Variants in ARRB2 observed in about 807,000 individuals in gnomAD.
The protein encoded by ARRB2 is beta-arrestin-2.
Under a neutral mutation model 53.4 loss-of-function variants are expected in ARRB2, and 21 were observed. The ratio of observed to expected loss-of-function variants is 0.39; its 90% CI spans 0.28 to 0.57. The LOEUF (loss-of-function observed/expected upper bound fraction) is 0.57. Among genes scored for constraint, ARRB2 ranks in the 20% least tolerant of loss-of-function variants. ARRB2 has a pLI of 0.55. For missense variants in ARRB2, 369 were observed against 527.5 expected, an observed-to-expected ratio of 0.70 and a Z score of 2.94; for synonymous variants, 180 against 212.9, an observed-to-expected ratio of 0.85 and a Z score of 1.34.
In ARRB2 at chr17:4,716,521, G is replaced by A. The variant is rs150815245; in HGVS notation, c.270G>A (p.Pro90=). 180 of 1,530,774 alleles carry A rather than the reference G, an allele frequency of 1.2e-4. 1 individual carries two copies. In the East Asian group the frequency reaches 2.1e-3, roughly 18 times the overall value. 94.8% of individuals were successfully genotyped at this position (1,530,774 alleles called of 1,614,324 possible). A position where few individuals can be genotyped will look rare whatever the true frequency, so the allele number is the denominator to read the frequency against. ...TCGCCACCTACCAGGCCTTCCCCCC[G>A]GTGCCCAACCCACCCCGGCCCCCCA... ...LFIATYQAFP[P]VPNPPRPPTR... is the part of the protein sequence containing the mutation. The change falls in exon 5 of 15, where the codon CCG becomes CCA. Residue 90 remains proline (P), a synonymous_variant. Transcript: ENST00000269260.
chr17:4,711,853 G>C (rs1914440269), intron 1 of ARRB2, among the ~76,000 whole-genome samples: 1 of 152,144 alleles, frequency 6.6e-6, no homozygotes, highest in Non-Finnish European at 1.5e-5. Context: ...TGAAATTCTG[G>C]GCCACAGGAA....
chr17:4,714,371 G>A (rs1366537392), intron 1 of ARRB2, among the ~76,000 whole-genome samples: 1 of 152,180 alleles, frequency 6.6e-6, no homozygotes, highest in Non-Finnish European at 1.5e-5. Context: ...CAAAGGCCAG[G>A]GTCATTGCTC....
At chr17:4,712,535 T>C (rs949900104) in intron 1 of ARRB2, among the ~76,000 whole-genome samples, 3 of 152,220 alleles carry the variant, frequency 2.0e-5, no homozygotes, top group African/African-American at 7.2e-5. Flanking sequence ...GTGGTAGACT[T>C]GGAAGAGGGA....
intron 1 of ARRB2, among the ~76,000 whole-genome samples, chr17:4,714,207 A>G (rs1914719566): frequency 6.6e-6 from 1 of 152,074 alleles, no homozygotes; most frequent in Non-Finnish European, 1.5e-5. Flanking sequence ...AACCCAAAAC[A>G]AGGAGCGACC....
chr17:4,719,657 G>A (rs1055283395), intron 11 of ARRB2, among the ~76,000 whole-genome samples: 1 of 152,156 alleles, frequency 6.6e-6, no homozygotes. Context: ...AGTGAGGTGC[G>A]AAGGTGAATT....
chr17:4,721,249 T>C lies in ARRB2; in HGVS notation c.*210T>C, dbSNP rs766078383. ...TGAATGTGGGCATTAATTTTTTGAC[T>C]GCAGCTCTGCTTCTCCAGCCCCGCC... is the stretch of plus-strand genomic sequence containing the variant. On this transcript the variant is annotated 3_prime_UTR_variant, in exon 15 of 15. Transcript: ENST00000269260. The surrounding 1 kb of genome is among the most constrained non-coding windows in gnomAD (Gnocchi z 4.2). 35 of 532,604 alleles carry C rather than the reference T, an allele frequency of 6.6e-5. No individual in the cohort carries two copies. Among genetic ancestry groups the C allele is most frequent in the Non-Finnish European group, 1.1e-4 (32 of 304,712 alleles). 33.0% of individuals were successfully genotyped at this position (532,604 alleles called of 1,614,324 possible).
chr17:4,712,102 C>G (rs1914470555), intron 1 of ARRB2, among the ~76,000 whole-genome samples: 1 of 152,218 alleles, frequency 6.6e-6, no homozygotes, highest in Non-Finnish European at 1.5e-5. Context: ...TTGTGGCTGT[C>G]ACAGCCCTGT....
At chr17:4,713,461 T>C (rs1914631119) in intron 1 of ARRB2, among the ~76,000 whole-genome samples, 1 of 151,170 alleles carries the variant, frequency 6.6e-6, no homozygotes. Flanking sequence ...TGAAACCCCA[T>C]CTCTACTAAA....
chr17:4,710,782 C>T (rs1396999157), intron 1 of ARRB2, 38 bp downstream of exon 1: 6 of 336,818 alleles, frequency 1.8e-5, no homozygotes, highest in South Asian at 1.4e-4. Context: ...GCATGGGCGG[C>T]GGCTCGGGGC....
chr17:4,721,464 A>G lies in ARRB2; in HGVS notation c.*425A>G. 2.6e-6 allele frequency: 1 copy of G among 385,294 alleles called. No individual in the cohort carries two copies. The highest frequency in any genetic ancestry group is 1.2e-4 in the South Asian group (1 of 8,092). 23.9% of individuals were successfully genotyped at this position (385,294 alleles called of 1,614,324 possible). A position where few individuals can be genotyped will look rare whatever the true frequency, so the allele number is the denominator to read the frequency against. On this transcript the variant is annotated 3_prime_UTR_variant, in exon 15 of 15. Transcript: ENST00000269260. This position sits in a 1 kb window ranked among gnomAD's most constrained non-coding sequence, Gnocchi z 4.2. The stretch of plus-strand genomic sequence containing the variant: ...GGACAAGGCCGTTTCTTTGTTTCTG[A>G]GCATAAAGAAGAAAATAAATCTTTT...
chr17:4,721,300 TAA>T lies in ARRB2; in HGVS notation c.*263_*264del. The T allele has an allele frequency of 2.1e-6, 1 of 475,538 alleles. No homozygotes were observed. The highest frequency in any genetic ancestry group is 3.7e-6 in the Non-Finnish European group (1 of 268,836). 29.5% of individuals were successfully genotyped at this position (475,538 alleles called of 1,614,324 possible). A position where few individuals can be genotyped will look rare whatever the true frequency, so the allele number is the denominator to read the frequency against. On this transcript the variant is annotated 3_prime_UTR_variant, in exon 15 of 15. Transcript: ENST00000269260. This position sits in a 1 kb window ranked among gnomAD's most constrained non-coding sequence, Gnocchi z 4.2. ...GTGGGTGGCAAGCTGTGTTCATACC[TAA>T]ATTTTCTGGAAGGGGACAGTGAAAA...
chr17:4,718,580 C>G (rs374363517), intron 9 of ARRB2, 32 bp from the exon 10 acceptor site: 24 of 1,606,490 alleles, frequency 1.5e-5, no homozygotes, highest in African/African-American at 5.3e-5. Flanking sequence ...TGTGCTCCAT[C>G]CAGAGCTGCC....
rs1210854030 is a variant in ARRB2, at chr17:4,715,714, CACACACACACAA to C, written c.55-247_55-236del. The C allele has an allele frequency of 8.3e-3, 3,868 of 464,824 alleles. 92 individuals are homozygous for C. The highest frequency in any genetic ancestry group is 0.07 in the African/African-American group (3,451 of 49,086). The allele number at this position is 464,824 out of a possible 1,614,324, so 28.8% of individuals were successfully genotyped here. A position where few individuals can be genotyped will look rare whatever the true frequency, so the allele number is the denominator to read the frequency against. ...CTGAGGACACACACACACACACACA[CACACACACACAA>C]ACACACACACACCGGGCTGGTGGGC... On this transcript the variant is annotated intron_variant, in intron 2 of 14. Coordinates refer to ENST00000269260, the MANE Select transcript of ARRB2 (RefSeq NM_004313.4).
At position 4,717,025 on chromosome 17, in the gene ARRB2, G is replaced by A; in HGVS notation, c.358-192G>A. 1 of 643,790 alleles carries A rather than the reference G, an allele frequency of 1.6e-6. No homozygotes were observed. Among genetic ancestry groups the A allele is most frequent in the East Asian group, 2.8e-5 (1 of 35,990 alleles). 39.9% of individuals were successfully genotyped at this position (643,790 alleles called of 1,614,324 possible). A position where few individuals can be genotyped will look rare whatever the true frequency, so the allele number is the denominator to read the frequency against. ...AATTTTGTATTTTTAGTAGTGATGG[G>A]GTTTTGCCACGTTGGTCAGGCTGGT... On this transcript the variant is annotated intron_variant, in intron 5 of 14. Coordinates refer to ENST00000269260, the MANE Select transcript of ARRB2 (RefSeq NM_004313.4). This position sits in a 1 kb window ranked among gnomAD's most constrained non-coding sequence, Gnocchi z 6.0.
At chr17:4,719,640 G>T (rs1915486174) in intron 11 of ARRB2, among the ~76,000 whole-genome samples, 1 of 152,106 alleles carries the variant, frequency 6.6e-6, no homozygotes, top group Non-Finnish European at 1.5e-5. Flanking sequence ...AGGAAGGGAT[G>T]GGGGGCAGTG....
At position 4,717,646 on chromosome 17, in the gene ARRB2, A is replaced by G. The variant is rs2150596091; in HGVS notation, c.418-39A>G. On this transcript the variant is annotated intron_variant, in intron 6 of 14. Coordinates refer to ENST00000269260, the MANE Select transcript of ARRB2 (RefSeq NM_004313.4). The surrounding 1 kb of genome is among the most constrained non-coding windows in gnomAD (Gnocchi z 6.0). ...AAGAAAGGGCAGTGATGGTGGCGGG[A>G]GCCTCCGGTAAGATGTGGCCTTTTC... The G allele has an allele frequency of 1.2e-6, 2 of 1,612,976 alleles. No individual in the cohort carries two copies. Among genetic ancestry groups the G allele is most frequent in the East Asian group, 4.5e-5 (2 of 44,850 alleles).
At chr17:4,712,090 G>T (rs1914469479) in intron 1 of ARRB2, among the ~76,000 whole-genome samples, 1 of 152,240 alleles carries the variant, frequency 6.6e-6, no homozygotes, top group South Asian at 2.1e-4. Context: ...TTGGCCCACT[G>T]ATTGTGGCTG....
rs1258591902 is a variant in ARRB2, at chr17:4,718,255, C to T, written c.622-6C>T. Reference sequence around the variant, plus strand: ...TCCAATTCACATGACCCCCTCCCCCCAAAAGCTGTACTACCATGGGGAGCC... The same window carrying T: ...TCCAATTCACATGACCCCCTCCCCCTAAAAGCTGTACTACCATGGGGAGCC... On this transcript the variant is annotated splice_polypyrimidine_tract_variant and splice_region_variant and intron_variant, in intron 8 of 14. Coordinates refer to ENST00000269260, the MANE Select transcript of ARRB2 (RefSeq NM_004313.4). The T allele has an allele frequency of 1.2e-6, 2 of 1,609,678 alleles. No homozygotes were observed. The highest frequency in any genetic ancestry group is 1.7e-6 in the Non-Finnish European group (2 of 1,177,856).
intron 1 of ARRB2, chr17:4,714,559 G>A: frequency 3.5e-6 from 1 of 285,720 alleles, no homozygotes; most frequent in Non-Finnish European, 6.4e-6. Context: ...CAAGACAAGG[G>A]GCATTTCCCC....
Sources: gnomAD v4.1 joint callset for allele counts (sites outside exome capture counted in the v4.1 genomes callset) on GRCh38, gnomAD v4.1.1 for gene constraint, Gnocchi (gnomAD v3.1) non-coding constraint, MANE v1.5 for transcripts, NCBI Gene and HGNC (gene_info 2026-07-23, HGNC 2026-07-21) for gene names.